NAV3: variants seen among roughly 807,000 people sequenced by gnomAD.
NAV3 encodes the protein pore membrane and/or filament interacting like protein 1.
NAV3 carries 87 observed loss-of-function variants against 244.7 expected under a neutral mutation model. That is an observed-to-expected ratio of 0.36 (90% confidence interval 0.30 to 0.42). The LOEUF is 0.42. NAV3 is among the 20% of genes least tolerant of loss of function. NAV3 has a pLI of 1.00. For missense variants in NAV3, 2,663 were observed against 2,893.3 expected, an observed-to-expected ratio of 0.92 and a Z score of 1.83; for synonymous variants, 1,126 against 1,042.2, an observed-to-expected ratio of 1.08 and a Z score of -1.55.
At chr12:77,770,744 C>T (rs1399087594) in intron 2 of NAV3, among the ~76,000 whole-genome samples, 2 of 152,158 alleles carry the variant, frequency 1.3e-5, no homozygotes, top group African/African-American at 2.4e-5. Flanking sequence ...CTTCCTTACA[C>T]CTTATACAAA....
chr12:77,578,889 TTATTC>T (rs976843842), intron 2 of NAV3, among the ~76,000 whole-genome samples: 1 of 147,356 alleles, frequency 6.8e-6, no homozygotes, highest in African/African-American at 2.5e-5. Context: ...CGTCCAACCT[TTATTC>T]TATTCGTTAA....
intron 9 of NAV3, among the ~76,000 whole-genome samples, chr12:78,031,752 G>C (rs1879024657): frequency 8.8e-6 from 1 of 113,736 alleles, no homozygotes; most frequent in African/African-American, 3.3e-5. Context: ...GGGGGAGGGG[G>C]GAGGGATAGC....
At chr12:78,144,018 C>T (rs1030485699) in intron 20 of NAV3, among the ~76,000 whole-genome samples, 1 of 151,914 alleles carries the variant, frequency 6.6e-6, no homozygotes, top group Non-Finnish European at 1.5e-5. Flanking sequence ...CAAGGAAGAT[C>T]ATGTGACTAT....
At chr12:77,643,453 ACT>A (rs1376710194) in intron 2 of NAV3, among the ~76,000 whole-genome samples, 1 of 151,590 alleles carries the variant, frequency 6.6e-6, no homozygotes, top group Non-Finnish European at 1.5e-5. Context: ...ATAAACTTAA[ACT>A]CATATTTAGT....
At chr12:77,777,614 G>C (rs1191360858) in intron 2 of NAV3, among the ~76,000 whole-genome samples, 1 of 152,146 alleles carries the variant, frequency 6.6e-6, no homozygotes, top group Non-Finnish European at 1.5e-5. Context: ...AGCTGAGATT[G>C]ACCATGGATA....
chr12:77,997,474 T>C (rs964234937), intron 6 of NAV3, among the ~76,000 whole-genome samples: 1 of 152,192 alleles, frequency 6.6e-6, no homozygotes, highest in African/African-American at 2.4e-5. Context: ...AAAGCAGCAG[T>C]AAGTTACTAC....
intron 3 of NAV3, among the ~76,000 whole-genome samples, chr12:77,957,201 C>G (rs1891448267): frequency 6.6e-6 from 1 of 151,604 alleles, no homozygotes; most frequent in Non-Finnish European, 1.5e-5. Context: ...ATTTATAAAT[C>G]TTTTCTGTCT....
intron 24 of NAV3, among the ~76,000 whole-genome samples, chr12:78,172,442 A>C (rs1038171701): frequency 6.6e-6 from 1 of 151,618 alleles, no homozygotes; most frequent in Non-Finnish European, 1.5e-5. Flanking sequence ...TCTCCATAGA[A>C]CTTTTAGTCT....
chr12:78,037,435 CAT>C, intron 9 of NAV3: 1 of 645,098 alleles, frequency 1.6e-6, no homozygotes, highest in East Asian at 2.7e-5. Flanking sequence ...TAAGAAATTT[CAT>C]AGTCTCTTAT....
chr12:77,825,505 C>G (rs1257833700), intron 2 of NAV3, among the ~76,000 whole-genome samples: 1 of 151,942 alleles, frequency 6.6e-6, no homozygotes, highest in East Asian at 1.9e-4. Context: ...AAGGCATATT[C>G]TAATAAGTTA....
At chr12:77,960,342 T>C (rs1011927165) in intron 3 of NAV3, among the ~76,000 whole-genome samples, 1 of 151,916 alleles carries the variant, frequency 6.6e-6, no homozygotes, top group African/African-American at 2.4e-5. Context: ...CCTCAGCAAT[T>C]GTTTATAGAT....
At chr12:77,622,614 A>C (rs1871429077) in intron 2 of NAV3, among the ~76,000 whole-genome samples, 1 of 148,342 alleles carries the variant, frequency 6.7e-6, no homozygotes, top group Admixed American at 6.8e-5. Flanking sequence ...AAAAGACAGG[A>C]GACTTAAGCT....
intron 12 of NAV3, among the ~76,000 whole-genome samples, chr12:78,082,341 C>T (rs1953400566): frequency 6.6e-6 from 1 of 152,152 alleles, no homozygotes; most frequent in African/African-American, 2.4e-5. Context: ...ATTATATTTT[C>T]AAATATAAAT....
intron 12 of NAV3, among the ~76,000 whole-genome samples, chr12:78,104,833 C>T (rs1335502931): frequency 6.6e-6 from 1 of 152,090 alleles, no homozygotes; most frequent in Non-Finnish European, 1.5e-5. Flanking sequence ...TAAATAAAAC[C>T]ATACCTTATG....
intron 23 of NAV3, among the ~76,000 whole-genome samples, chr12:78,160,404 CGTGT>C (rs72534188): frequency 6.9e-6 from 1 of 144,722 alleles, no homozygotes; most frequent in African/African-American, 2.6e-5. Flanking sequence ...TGTGTGCGTG[CGTGT>C]GTGTGTGTGT....
chr12:77,889,400 C>T (rs1406847439), intron 1 of NAV3, among the ~76,000 whole-genome samples: 2 of 152,158 alleles, frequency 1.3e-5, no homozygotes, highest in Non-Finnish European at 2.9e-5. Flanking sequence ...GAGTCTCTAG[C>T]TTGCTGGCTA....
intron 2 of NAV3, among the ~76,000 whole-genome samples, chr12:77,766,735 G>GTTTGGTTTTTTTTT (rs1555202961): frequency 1.7e-5 from 1 of 60,516 alleles, no homozygotes; most frequent in South Asian, 8.3e-4. Context: ...AGGCAATTAA[G>GTTTGGTTTTTTTTT]TTTTTTTTTT....
chr12:77,604,713 G>A (rs938983942), intron 2 of NAV3, among the ~76,000 whole-genome samples: 13 of 152,042 alleles, frequency 8.6e-5, no homozygotes, highest in East Asian at 7.8e-4. Flanking sequence ...GCTGGTGCTC[G>A]TATAATGCTC....
intron 3 of NAV3, among the ~76,000 whole-genome samples, chr12:77,956,745 TTTATTTA>T (rs1442628942): frequency 6.6e-6 from 1 of 151,834 alleles, no homozygotes; most frequent in Non-Finnish European, 1.5e-5. Context: ...TATTTATTTA[TTTATTTA>T]TTTATTTGAG....
Sources: allele counts gnomAD v4.1 joint callset (sites outside exome capture counted in the v4.1 genomes callset), GRCh38; gene constraint gnomAD v4.1.1; transcripts MANE v1.5; gene names NCBI Gene and HGNC (gene_info 2026-07-23, HGNC 2026-07-21).